FANCC: variants seen among roughly 807,000 people sequenced by gnomAD.
FANCC encodes Fanconi anemia group C protein.
A neutral mutation model predicts 71.3 loss-of-function variants in FANCC; 55 were observed. The observed-to-expected ratio is 0.77, with a 90% confidence interval of 0.62 to 0.97. The LOEUF (loss-of-function observed/expected upper bound fraction) is 0.97, where lower values mean the gene tolerates loss of function less well. FANCC is among the 50% of genes least tolerant of loss of function. The probability of loss-of-function intolerance (pLI) is 0.00; values close to 1 mark genes in which losing one functional copy is unlikely to be tolerated. For missense variants in FANCC, 678 were observed against 670.9 expected (o/e 1.01, Z -0.12); for synonymous variants, 275 against 244.9 (o/e 1.12, Z -1.15).
chr9:95,152,484 G>A (rs936531921), intron 6 of FANCC, among the ~76,000 whole-genome samples: 21 of 152,194 alleles, frequency 1.4e-4, no homozygotes, highest in Admixed American at 7.9e-4. Flanking sequence ...AAATAGCAAG[G>A]GGACCAACGT....
chr9:95,192,423 A>C (rs1304005797), intron 4 of FANCC, among the ~76,000 whole-genome samples: 2 of 152,168 alleles, frequency 1.3e-5, no homozygotes, highest in Non-Finnish European at 2.9e-5. Flanking sequence ...ACATTCAAAG[A>C]CCTCAGTCCC....
chr9:95,205,139 T>A (rs1240556772), intron 4 of FANCC, among the ~76,000 whole-genome samples: 2 of 152,234 alleles, frequency 1.3e-5, no homozygotes, highest in Non-Finnish European at 2.9e-5. Context: ...AGGAAGTTAT[T>A]CCTTCTAAAA....
At chr9:95,293,586 G>A in intron 1 of FANCC, 2 of 1,614,192 alleles carry the variant, frequency 1.2e-6, no homozygotes, top group East Asian at 4.5e-5. Flanking sequence ...CGTGCAGACA[G>A]ATCTGTCTTA....
At chr9:95,149,869 C>T in intron 7 of FANCC, 54 bp downstream of exon 7, 1 of 1,547,500 alleles carries the variant, frequency 6.5e-7, no homozygotes, top group Non-Finnish European at 8.8e-7. Flanking sequence ...CACACCACAG[C>T]CTTCTAAGAA....
intron 10 of FANCC, 34 bp downstream of exon 10, chr9:95,125,052 G>C: frequency 6.5e-7 from 1 of 1,546,738 alleles, no homozygotes; most frequent in Non-Finnish European, 8.9e-7. Context: ...CTTATTCTCT[G>C]GGATGAATGA....
Position 95,100,978 on chromosome 9 carries a change from G to A in FANCC, c.*729C>T, listed in dbSNP as rs1198473377. The A allele has an allele frequency of 1.3e-5, 3 of 232,200 alleles. No homozygotes were observed. The highest frequency in any genetic ancestry group is 4.5e-5 in the African/African-American group (2 of 44,398). 14.4% of individuals were successfully genotyped at this position (232,200 alleles called of 1,614,324 possible). A position where few individuals can be genotyped will look rare whatever the true frequency, so the allele number is the denominator to read the frequency against. On this transcript the variant is annotated 3_prime_UTR_variant, in exon 15 of 15. Transcript: ENST00000289081. Reference sequence around the variant, plus strand: ...TCCAATTCCCATTTCCATTTAACAAGAGAACTAACTAACTGAATTAATCCT... The same window carrying A: ...TCCAATTCCCATTTCCATTTAACAAAAGAACTAACTAACTGAATTAATCCT...
At chr9:95,299,123 T>C (rs1834571340) in intron 1 of FANCC, among the ~76,000 whole-genome samples, 1 of 152,238 alleles carries the variant, frequency 6.6e-6, no homozygotes, top group Admixed American at 6.5e-5. Flanking sequence ...TTAACTTTAT[T>C]TGAGCCTTAA....
intron 4 of FANCC, among the ~76,000 whole-genome samples, chr9:95,231,906 GCTGA>G (rs1451098612): frequency 5.9e-5 from 9 of 152,316 alleles, no homozygotes; most frequent in African/African-American, 1.7e-4. Flanking sequence ...ATGAGCATAA[GCTGA>G]CTGACTGTGT....
At chr9:95,110,257 A>G in intron 13 of FANCC, 7 of 1,008,244 alleles carry the variant, frequency 6.9e-6, no homozygotes, top group Non-Finnish European at 8.3e-6. Context: ...ATTTCTTTAT[A>G]CTTCAAAAGT....
intron 4 of FANCC, among the ~76,000 whole-genome samples, chr9:95,235,801 G>A (rs980431101): frequency 2.4e-4 from 28 of 115,618 alleles, no homozygotes; most frequent in Middle Eastern, 0.023. Context: ...CCAAGATTGC[G>A]CCATTGCACT....
chr9:95,125,086 C>CTGCT lies in FANCC; in HGVS notation c.992_995dup (p.Leu333AlafsTer42). ...GAGTAATATATGTGATATAACAAAC[C>CTGCT]TGCTTGCTTGCTTTCTCCAGAGCTT... On this transcript the variant is annotated frameshift_variant and splice_region_variant, in exon 10 of 15. Coordinates refer to ENST00000289081, the MANE Select transcript of FANCC (RefSeq NM_000136.3). LOFTEE classifies it high-confidence loss of function. 1.9e-6 allele frequency: 3 copies of CTGCT among 1,613,680 alleles called. No individual in the cohort carries two copies. The highest frequency in any genetic ancestry group is 2.5e-6 in the Non-Finnish European group (3 of 1,179,560).
At chr9:95,302,562 A>C (rs946599887) in intron 1 of FANCC, among the ~76,000 whole-genome samples, 25 of 152,254 alleles carry the variant, frequency 1.6e-4, no homozygotes, top group African/African-American at 6.0e-4. Flanking sequence ...TGTTCCGAGA[A>C]ATTCCAGAAT....
At chr9:95,300,308 A>G (rs895304555) in intron 1 of FANCC, among the ~76,000 whole-genome samples, 1 of 152,180 alleles carries the variant, frequency 6.6e-6, no homozygotes. Flanking sequence ...TGGAGGAGAA[A>G]ATAAGAAAGA....
chr9:95,127,973 C>T (rs1343854872), intron 8 of FANCC, among the ~76,000 whole-genome samples: 1 of 152,274 alleles, frequency 6.6e-6, no homozygotes, highest in Non-Finnish European at 1.5e-5. Flanking sequence ...CTCCCTCATC[C>T]TTCACTGATG....
intron 4 of FANCC, among the ~76,000 whole-genome samples, chr9:95,184,934 T>C (rs1826618361): frequency 6.6e-6 from 1 of 152,350 alleles, no homozygotes; most frequent in South Asian, 2.1e-4. Flanking sequence ...TATCCTATTC[T>C]GTGCCTGTTA....
At chr9:95,123,824 A>G in intron 10 of FANCC, 1 of 674,776 alleles carries the variant, frequency 1.5e-6, no homozygotes, top group Non-Finnish European at 2.8e-6. Context: ...ACTCCAATTT[A>G]GACCTGCGGA....
chr9:95,125,144 G>A lies in FANCC; in HGVS notation c.938C>T (p.Ala313Val), dbSNP rs730881712. ...LETDGALEII[A>V]TIQVFTQCFV... ...GCACTGCGTAAACACCTGAATAGTG[G>A]CTATGATTTCCAGGGCCCCATCGGT... The change falls in exon 10 of 15, where the codon GCC (alanine) becomes GTC (valine). Residue 313 changes from alanine to valine, a missense_variant. Ala to Val is a moderately conservative substitution (Grantham distance 64, BLOSUM62 0). Coordinates refer to ENST00000289081, the MANE Select transcript of FANCC (RefSeq NM_000136.3). 6.2e-7 allele frequency: 1 copy of A among 1,614,178 alleles called. No homozygotes were observed. Among genetic ancestry groups the A allele is most frequent in the Non-Finnish European group, 8.5e-7 (1 of 1,180,030 alleles).
At position 95,173,243 on chromosome 9, in the gene FANCC, C is replaced by G. The variant is rs553423899; in HGVS notation, c.346-1096G>C. ...CCTGGAGGAATAGAAATAGGGTCTT[C>G]CATACAGAGTGCAGTTGTGAATGGC... is the stretch of plus-strand genomic sequence containing the variant. On this transcript the variant is annotated intron_variant, in intron 4 of 14. Transcript: ENST00000289081. Among the ~76,000 whole-genome samples, 10 of 152,112 alleles carry G rather than the reference C, an allele frequency of 6.6e-5. No individual in the cohort carries two copies. In the South Asian group the frequency reaches 1.7e-3, roughly 25 times the overall value.
intron 1 of FANCC, among the ~76,000 whole-genome samples, chr9:95,260,111 A>G (rs1831928448): frequency 6.6e-6 from 1 of 152,236 alleles, no homozygotes; most frequent in Admixed American, 6.5e-5. Flanking sequence ...AATTACTTCA[A>G]TCATTGTGGA....
Sources: allele counts gnomAD v4.1 joint callset (sites outside exome capture counted in the v4.1 genomes callset), GRCh38; gene constraint gnomAD v4.1.1; transcripts MANE v1.5; gene names NCBI Gene and HGNC (gene_info 2026-07-23, HGNC 2026-07-21).